Variants in PTPRN2 observed in about 807,000 individuals in gnomAD.
PTPRN2 encodes receptor-type tyrosine-protein phosphatase N2.
PTPRN2 carries 74 observed loss-of-function variants against 118.8 expected under a neutral mutation model. The observed-to-expected ratio is 0.62, with a 90% CI of 0.52 to 0.76. PTPRN2 has a LOEUF of 0.76. Among genes scored for constraint, PTPRN2 ranks in the 30% least tolerant of loss-of-function variants. The pLI, the probability that PTPRN2 is intolerant of heterozygous loss-of-function variation, is 0.00. For missense variants in PTPRN2, 1,481 were observed against 1,394.4 expected (o/e 1.06, Z -0.99); for synonymous variants, 641 against 608.0 (o/e 1.05, Z -0.80).
chr7:158,523,929 A>AGTCTGCCCTGGTGTGGAGTC (rs1824523828), intron 1 of PTPRN2, among the ~76,000 whole-genome samples: 5 of 30,426 alleles, frequency 1.6e-4, no homozygotes, highest in Non-Finnish European at 2.4e-4. Flanking sequence ...CCTGGAGCGG[A>AGTCTGCCCTGGTGTGGAGTC]GTCTGCCCTG....
At chr7:157,922,628 A>G (rs1457424102) in intron 11 of PTPRN2, among the ~76,000 whole-genome samples, 2 of 152,210 alleles carry the variant, frequency 1.3e-5, no homozygotes, top group Admixed American at 6.5e-5. Flanking sequence ...GGGTTTCTCA[A>G]TATAAGCTCC....
intron 22 of PTPRN2, among the ~76,000 whole-genome samples, chr7:157,544,300 C>A (rs759929277): frequency 3.3e-5 from 5 of 152,216 alleles, no homozygotes; most frequent in African/African-American, 4.8e-5. Context: ...GTGACAGAAT[C>A]CGTGTCTGTC....
intron 2 of PTPRN2, among the ~76,000 whole-genome samples, chr7:158,436,702 T>C (rs113163566): frequency 3.3e-5 from 5 of 152,240 alleles, no homozygotes; most frequent in African/African-American, 1.2e-4. Context: ...CTTGAATTGA[T>C]GGGGTGTTTT....
chr7:157,698,777 T>C (rs1219618717), intron 12 of PTPRN2, among the ~76,000 whole-genome samples: 1 of 152,230 alleles, frequency 6.6e-6, no homozygotes, highest in Non-Finnish European at 1.5e-5. Flanking sequence ...AATATTTTAT[T>C]ATTTACAGAA....
chr7:158,566,909 T>C (rs1469732368), intron 1 of PTPRN2, among the ~76,000 whole-genome samples: 2 of 152,182 alleles, frequency 1.3e-5, no homozygotes, highest in Admixed American at 6.6e-5. Flanking sequence ...AGAGATGGTT[T>C]CACCATATTG....
intron 2 of PTPRN2, among the ~76,000 whole-genome samples, chr7:158,340,760 AC>A (rs1806583537): frequency 1.2e-5 from 1 of 82,378 alleles, no homozygotes; most frequent in Admixed American, 1.2e-4. Flanking sequence ...CGTCACACAC[AC>A]CCACACTCTC....
At chr7:158,578,754 C>CTT (rs1007986775) in intron 1 of PTPRN2, among the ~76,000 whole-genome samples, 1 of 146,542 alleles carries the variant, frequency 6.8e-6, no homozygotes, top group African/African-American at 2.5e-5. Context: ...TACTTCTTCT[C>CTT]TTTTTTTTTT....
intron 12 of PTPRN2, among the ~76,000 whole-genome samples, chr7:157,770,730 C>A (rs1802750941): frequency 2.6e-5 from 4 of 152,172 alleles, no homozygotes. Context: ...AGCGTTCAGC[C>A]AGCTCCAGAC....
At chr7:157,545,215 G>T (rs141499658) in intron 22 of PTPRN2, among the ~76,000 whole-genome samples, 4 of 148,834 alleles carry the variant, frequency 2.7e-5, no homozygotes, top group African/African-American at 1.0e-4. Flanking sequence ...GCAATGTGTG[G>T]GTGTGCGCAG....
chr7:157,980,933 G>A (rs967341118), intron 11 of PTPRN2, among the ~76,000 whole-genome samples: 1 of 151,770 alleles, frequency 6.6e-6, no homozygotes, highest in African/African-American at 2.4e-5. Flanking sequence ...GGACAGGGGA[G>A]GGATAAGTAG....
At chr7:158,211,253 C>T (rs926381703) in intron 3 of PTPRN2, among the ~76,000 whole-genome samples, 3 of 152,158 alleles carry the variant, frequency 2.0e-5, no homozygotes, top group Non-Finnish European at 4.4e-5. Flanking sequence ...CCCTAGTACA[C>T]TGGATAGTGT....
intron 12 of PTPRN2, chr7:157,739,369 C>T (rs1800488571): frequency 6.6e-6 from 1 of 152,298 alleles, no homozygotes; most frequent in East Asian, 1.9e-4. Context: ...ACTACTCTCT[C>T]ACCCCGGCAT....
chr7:157,967,775 G>A (rs1345423968), intron 11 of PTPRN2, among the ~76,000 whole-genome samples: 1 of 152,196 alleles, frequency 6.6e-6, no homozygotes, highest in Non-Finnish European at 1.5e-5. Context: ...CTGACCCTCT[G>A]TGAGTGAAGA....
chr7:157,574,320 G>A (rs748995548), intron 19 of PTPRN2: 4 of 503,324 alleles, frequency 7.9e-6, no homozygotes, highest in Admixed American at 2.0e-5. Flanking sequence ...TTTCCACATC[G>A]CCCCTGCAGT....
intron 13 of PTPRN2, among the ~76,000 whole-genome samples, chr7:157,659,277 G>T (rs913306690): frequency 3.5e-5 from 5 of 144,304 alleles, no homozygotes; most frequent in Non-Finnish European, 6.1e-5. Flanking sequence ...GAGGATGACC[G>T]CGGGGACTGG....
chr7:158,326,445 C>A (rs1803527165), intron 2 of PTPRN2, among the ~76,000 whole-genome samples: 1 of 152,260 alleles, frequency 6.6e-6, no homozygotes, highest in Non-Finnish European at 1.5e-5. Flanking sequence ...AATTAATGCA[C>A]ACTTGTACAC....
intron 1 of PTPRN2, among the ~76,000 whole-genome samples, chr7:158,579,660 T>C (rs1586977484): frequency 6.6e-6 from 1 of 152,256 alleles, no homozygotes; most frequent in Non-Finnish European, 1.5e-5. Flanking sequence ...ATTTGTGCTC[T>C]TGAAACAGCC....
intron 1 of PTPRN2, among the ~76,000 whole-genome samples, chr7:158,584,034 TG>T (rs1563457778): frequency 6.6e-6 from 1 of 151,884 alleles, no homozygotes; most frequent in Non-Finnish European, 1.5e-5. Flanking sequence ...GTGGGCTCCC[TG>T]GTGAATGAAA....
intron 11 of PTPRN2, among the ~76,000 whole-genome samples, chr7:157,969,976 C>T (rs1288009161): frequency 2.0e-5 from 3 of 152,116 alleles, no homozygotes; most frequent in African/African-American, 4.8e-5. Context: ...GGACTTAACA[C>T]AGCCACCAAG....
Sources: allele counts gnomAD v4.1 joint callset (sites outside exome capture counted in the v4.1 genomes callset), GRCh38; gene constraint gnomAD v4.1.1; transcripts MANE v1.5; gene names NCBI Gene and HGNC (gene_info 2026-07-23, HGNC 2026-07-21).